Variants in DLGAP2 observed in about 807,000 individuals in gnomAD.
The protein encoded by DLGAP2 is disks large-associated protein 2.
DLGAP2 carries 26 observed loss-of-function variants against 100.3 expected under a neutral mutation model. The ratio of observed to expected loss-of-function variants is 0.26; its 90% CI spans 0.19 to 0.36. The LOEUF (loss-of-function observed/expected upper bound fraction) is 0.36. Ranked by LOEUF, DLGAP2 falls within the 10% of genes least tolerant of loss-of-function variation. The pLI, the probability that DLGAP2 is intolerant of heterozygous loss-of-function variation, is 1.00. For missense variants in DLGAP2, 1,858 were observed against 1,453.2 expected (o/e 1.28, Z -4.53); for synonymous variants, 886 against 630.1 (o/e 1.41, Z -6.08).
intron 3 of DLGAP2, among the ~76,000 whole-genome samples, chr8:1,303,926 G>A (rs1800427818): frequency 6.6e-6 from 1 of 152,160 alleles, no homozygotes; most frequent in Non-Finnish European, 1.5e-5. Flanking sequence ...CACCTCCCTC[G>A]TAAATGGAGC....
At chr8:1,407,100 G>A (rs28362043) in intron 3 of DLGAP2, among the ~76,000 whole-genome samples, 2 of 29,930 alleles carry the variant, frequency 6.7e-5, no homozygotes, top group Non-Finnish European at 1.1e-4. Flanking sequence ...CTCCCTCCTT[G>A]TCCTCCGGAG....
intron 8 of DLGAP2, among the ~76,000 whole-genome samples, chr8:1,649,577 G>A (rs1798117575): frequency 6.6e-6 from 1 of 152,172 alleles, no homozygotes. Context: ...GTACTTGGAT[G>A]GTGAGATCTG....
chr8:1,228,496 ACAT>A (rs1798468534), intron 2 of DLGAP2, among the ~76,000 whole-genome samples: 3 of 152,230 alleles, frequency 2.0e-5, no homozygotes, highest in Non-Finnish European at 2.9e-5. Context: ...CCATACAATG[ACAT>A]CATAAGAAAC....
rs548019371 is a variant in DLGAP2 at position 1,533,390 on chromosome 8, G to A, written c.173-15236G>A. Reference sequence around the variant, plus strand: ...GCGTTGTGGCGGGCACCTGTAGTCCGAGCTACTCGGCAGGCTGAGGCAGGA... The same window carrying A: ...GCGTTGTGGCGGGCACCTGTAGTCCAAGCTACTCGGCAGGCTGAGGCAGGA... On this transcript the variant is annotated intron_variant, in intron 4 of 14. Coordinates refer to ENST00000637795, the MANE Select transcript of DLGAP2 (RefSeq NM_001346810.2). Among the ~76,000 whole-genome samples the A allele has an allele frequency of 7.3e-5, 11 of 151,656 alleles. No homozygotes were observed. In the South Asian group the frequency reaches 1.5e-3, roughly 20 times the overall value.
At chr8:1,592,861 TG>T in intron 6 of DLGAP2, among the ~76,000 whole-genome samples, 1 of 152,326 alleles carries the variant, frequency 6.6e-6, no homozygotes, top group East Asian at 1.9e-4. Context: ...CTGGCTGGGA[TG>T]TTACATGGAG....
intron 2 of DLGAP2, among the ~76,000 whole-genome samples, chr8:1,000,183 GA>G (rs1800907183): frequency 7.5e-5 from 6 of 80,324 alleles, no homozygotes; most frequent in Admixed American, 1.3e-4. Flanking sequence ...GATCCGGGTG[GA>G]GGTGGTTTTC....
At chr8:741,117 T>C (rs1395309262) in intron 1 of DLGAP2, among the ~76,000 whole-genome samples, 1 of 152,260 alleles carries the variant, frequency 6.6e-6, no homozygotes, top group Admixed American at 6.5e-5. Context: ...CAATATGTTT[T>C]GTTGTTTCCT....
At chr8:1,216,385 G>T (rs377267386) in intron 2 of DLGAP2, among the ~76,000 whole-genome samples, 2 of 152,188 alleles carry the variant, frequency 1.3e-5, no homozygotes, top group East Asian at 1.9e-4. Flanking sequence ...GTCTCACTCT[G>T]TTGCCCAGGC....
At chr8:814,243 C>T (rs930911015) in intron 1 of DLGAP2, among the ~76,000 whole-genome samples, 8 of 152,164 alleles carry the variant, frequency 5.3e-5, no homozygotes, top group Non-Finnish European at 7.4e-5. Context: ...CTGAGTTAAG[C>T]GACTGGCCCC....
chr8:1,520,378 C>G (rs1800551197), intron 4 of DLGAP2, among the ~76,000 whole-genome samples: 1 of 152,204 alleles, frequency 6.6e-6, no homozygotes, highest in Non-Finnish European at 1.5e-5. Context: ...TTCTTCACCC[C>G]TCGCACTGGC....
At chr8:1,652,978 C>T (rs768421185) in intron 8 of DLGAP2, among the ~76,000 whole-genome samples, 1 of 152,166 alleles carries the variant, frequency 6.6e-6, no homozygotes, top group Non-Finnish European at 1.5e-5. Flanking sequence ...CCATGAGAGT[C>T]GCAATTTCCT....
At chr8:1,695,171 T>C (rs950031605) in intron 13 of DLGAP2, among the ~76,000 whole-genome samples, 2 of 151,902 alleles carry the variant, frequency 1.3e-5, no homozygotes, top group Admixed American at 6.6e-5. Flanking sequence ...GAGAAGCCAC[T>C]CCGCTTCCCC....
chr8:1,707,629 T>A lies in DLGAP2; in HGVS notation c.*6223T>A, dbSNP rs949324127. 6.6e-6 allele frequency: 1 copy of A among 152,150 alleles called. No individual in the cohort carries two copies. Among genetic ancestry groups the A allele is most frequent in the Admixed American group, 6.6e-5 (1 of 15,264 alleles). 9.4% of individuals were successfully genotyped at this position (152,150 alleles called of 1,614,324 possible). On this transcript the variant is annotated 3_prime_UTR_variant, in exon 15 of 15. Coordinates refer to ENST00000637795, the MANE Select transcript of DLGAP2 (RefSeq NM_001346810.2). ...GCTCTCGGGCAGGACAGGTCCTCCC[T>A]GCAGAGAGAGACAACTCATCCCCCG...
chr8:1,249,647 G>A (rs117332333), intron 2 of DLGAP2, among the ~76,000 whole-genome samples: 2,158 of 152,268 alleles, frequency 0.014, 31 homozygotes, highest in South Asian at 0.07. Flanking sequence ...ACATAAACAA[G>A]CTGATTATTC....
intron 1 of DLGAP2, among the ~76,000 whole-genome samples, chr8:854,037 G>A (rs1462386570): frequency 6.6e-6 from 1 of 152,202 alleles, no homozygotes; most frequent in Non-Finnish European, 1.5e-5. Context: ...TCTGGACCAG[G>A]AAAGAGGCCC....
At chr8:990,252 C>T (rs1026480532) in intron 2 of DLGAP2, among the ~76,000 whole-genome samples, 6 of 151,934 alleles carry the variant, frequency 3.9e-5, no homozygotes, top group African/African-American at 1.5e-4. Context: ...CATGTGGGTG[C>T]CCAAGTCCTG....
chr8:1,341,210 C>T (rs1032826798), intron 3 of DLGAP2, among the ~76,000 whole-genome samples: 2 of 152,156 alleles, frequency 1.3e-5, no homozygotes, highest in Non-Finnish European at 2.9e-5. Flanking sequence ...AAGACACCTG[C>T]GCATGGACCC....
chr8:1,110,752 G>A (rs1196247536), intron 2 of DLGAP2, among the ~76,000 whole-genome samples: 1 of 137,798 alleles, frequency 7.3e-6, no homozygotes. Flanking sequence ...TGAGTGTCCC[G>A]CAGCCCTGCA....
At position 1,006,430 on chromosome 8, in the gene DLGAP2, C is replaced by T. The variant is rs538145062; in HGVS notation, c.73+98464C>T. On this transcript the variant is annotated intron_variant, in intron 2 of 14. Transcript: ENST00000637795. ...AGTCTCGGGATGTGGTCCTTTATCA[C>T]GTCGGGGGCGCCCTGCATCTCAAGT... is the stretch of plus-strand genomic sequence containing the variant. 1.2e-4 allele frequency among the ~76,000 whole-genome samples: 16 copies of T among 138,676 alleles called. 1 individual carries two copies. Among genetic ancestry groups the T allele is most frequent in the East Asian group, 9.1e-4 (4 of 4,382 alleles). 91.0% of individuals were successfully genotyped at this position (138,676 alleles called of 152,430 possible).
Sources: allele counts gnomAD v4.1 joint callset (sites outside exome capture counted in the v4.1 genomes callset), GRCh38; gene constraint gnomAD v4.1.1; transcripts MANE v1.5; gene names NCBI Gene and HGNC (gene_info 2026-07-23, HGNC 2026-07-21).